CDK13: variants seen among roughly 807,000 people sequenced by gnomAD.
The protein encoded by CDK13 is cyclin dependent kinase 13.
CDK13 carries 40 observed loss-of-function variants against 137.6 expected under a neutral mutation model. That is an observed-to-expected ratio of 0.29 (90% CI 0.23 to 0.38). The LOEUF is 0.38. Among genes scored for constraint, CDK13 ranks in the 10% least tolerant of loss-of-function variants. The pLI is 1.00. For missense variants in CDK13, 1,704 were observed against 1,951.8 expected, an observed-to-expected ratio of 0.87 and a Z score of 2.39; for synonymous variants, 869 against 760.1, an observed-to-expected ratio of 1.14 and a Z score of -2.36.
intron 7 of CDK13, among the ~76,000 whole-genome samples, chr7:40,057,288 A>G (rs1562753150): frequency 6.6e-6 from 1 of 152,152 alleles, no homozygotes; most frequent in Non-Finnish European, 1.5e-5. Context: ...GTTGTTGCTT[A>G]CCCCTGTGCA....
chr7:39,968,692 T>C (rs1046321814), intron 1 of CDK13, among the ~76,000 whole-genome samples: 2 of 152,246 alleles, frequency 1.3e-5, no homozygotes, highest in Admixed American at 1.3e-4. Flanking sequence ...CCATACTCTT[T>C]GGATTAACAT....
At chr7:39,952,018 A>T (rs982805467) in intron 1 of CDK13, 166 bp downstream of exon 1, 1 of 625,388 alleles carries the variant, frequency 1.6e-6, no homozygotes, top group Non-Finnish European at 2.3e-6. Flanking sequence ...CGCGCGTGAC[A>T]CTTTTTTAGG....
Position 39,951,702 on chromosome 7 carries a change from G to T in CDK13, c.1061G>T (p.Arg354Leu). ...GGTGGCAGCAGCCCCTATTCTCGGC[G>T]GCTGCCGCGCTCCCCGAGCCCCTAC... Reference protein sequence around the residue: ...AGGGSSPYSRRLPRSPSPYSR... With the variant: ...AGGGSSPYSRLLPRSPSPYSR... Residue 354 changes from arginine (R) to leucine (L), a missense_variant, in exon 1 of 14, where the codon CGG becomes CTG. By Grantham distance (102) the Arg-to-Leu change is moderately radical (BLOSUM62 -2). Coordinates refer to ENST00000181839, the MANE Select transcript of CDK13 (RefSeq NM_003718.5). 1 of 1,468,134 alleles carries T rather than the reference G, an allele frequency of 6.8e-7. No individual in the cohort carries two copies. The highest frequency in any genetic ancestry group is 8.9e-7 in the Non-Finnish European group (1 of 1,119,106). The allele number at this position is 1,468,134 out of a possible 1,614,324, so 90.9% of individuals were successfully genotyped here.
At chr7:40,083,596 C>T (rs990201766) in intron 11 of CDK13, among the ~76,000 whole-genome samples, 1 of 152,156 alleles carries the variant, frequency 6.6e-6, no homozygotes, top group African/African-American at 2.4e-5. Context: ...TTATCCCACT[C>T]AATTTATGGG....
At chr7:40,012,414 C>A (rs1784914424) in intron 5 of CDK13, among the ~76,000 whole-genome samples, 1 of 151,876 alleles carries the variant, frequency 6.6e-6, no homozygotes, top group Non-Finnish European at 1.5e-5. Flanking sequence ...GCCTGGGCAA[C>A]ATAGCAAGAC....
intron 1 of CDK13, among the ~76,000 whole-genome samples, chr7:39,973,473 A>G (rs1478535829): frequency 6.6e-6 from 1 of 152,158 alleles, no homozygotes; most frequent in Non-Finnish European, 1.5e-5. Flanking sequence ...TCGTCTTATT[A>G]TAGGATCTTA....
At chr7:40,080,026 C>T (rs1015459810) in intron 11 of CDK13, among the ~76,000 whole-genome samples, 3 of 152,198 alleles carry the variant, frequency 2.0e-5, no homozygotes, top group Non-Finnish European at 4.4e-5. Flanking sequence ...CTCACTCTGT[C>T]TCCCAGGCTG....
intron 1 of CDK13, among the ~76,000 whole-genome samples, chr7:39,974,302 G>A (rs1784059365): frequency 6.6e-6 from 1 of 151,852 alleles, no homozygotes; most frequent in African/African-American, 2.4e-5. Context: ...CTAGGCTCAA[G>A]CGCTCCTCCT....
chr7:40,071,418 A>T (rs186246408), intron 9 of CDK13: 1 of 152,322 alleles, frequency 6.6e-6, no homozygotes, highest in East Asian at 1.9e-4. Flanking sequence ...CATATCTGTG[A>T]TGTGCTGTTT....
chr7:40,094,826 A>G lies in CDK13; in HGVS notation c.4385A>G (p.Tyr1462Cys). 7 of 1,569,560 alleles carry G rather than the reference A, an allele frequency of 4.5e-6. No homozygotes were observed. The highest frequency in any genetic ancestry group is 6.0e-6 in the Non-Finnish European group (7 of 1,159,076). ...CCAGCAAAGATGCACAACTATAACT[A>G]TGGTGGTAACTTACAGGAAAATCCG... ...PLPAKMHNYN[Y>C]GGNLQENPSG... is the part of the protein sequence containing the mutation. The change falls in exon 14 of 14, where the codon TAT (tyrosine) becomes TGT (cysteine). Residue 1462 changes from tyrosine to cysteine, a missense_variant. Physicochemically the swap from Tyr to Cys is radical, Grantham distance 194. Transcript: ENST00000181839.
intron 7 of CDK13, among the ~76,000 whole-genome samples, chr7:40,050,072 G>A (rs917289958): frequency 3.3e-5 from 5 of 150,756 alleles, no homozygotes; most frequent in East Asian, 2.0e-4. Context: ...CTCCACCTCC[G>A]GGGTCCAAGT....
At chr7:40,017,925 CTT>C (rs879404001) in intron 5 of CDK13, among the ~76,000 whole-genome samples, 2 of 144,282 alleles carry the variant, frequency 1.4e-5, no homozygotes, top group Admixed American at 6.9e-5. Context: ...TTCCCACGTT[CTT>C]TTTTTTTTTT....
intron 1 of CDK13, among the ~76,000 whole-genome samples, chr7:39,981,656 T>TA (rs1344249390): frequency 6.6e-6 from 1 of 152,190 alleles, no homozygotes; most frequent in Non-Finnish European, 1.5e-5. Flanking sequence ...AATGGAAACT[T>TA]ACTAAGACGA....
At chr7:39,991,497 G>A (rs1784454639) in intron 2 of CDK13, among the ~76,000 whole-genome samples, 1 of 151,408 alleles carries the variant, frequency 6.6e-6, no homozygotes, top group Non-Finnish European at 1.5e-5. Context: ...GTGTGTGTGT[G>A]TGTGTGTGTG....
At chr7:40,086,642 C>T (rs1048722014) in intron 11 of CDK13, among the ~76,000 whole-genome samples, 15 of 151,988 alleles carry the variant, frequency 9.9e-5, no homozygotes, top group East Asian at 3.9e-4. Context: ...AGTTGTTATT[C>T]GCAACTCTGT....
At chr7:40,092,646 G>C in intron 12 of CDK13, 139 bp from the exon 13 acceptor site, 1 of 629,858 alleles carries the variant, frequency 1.6e-6, no homozygotes, top group Non-Finnish European at 2.8e-6. Flanking sequence ...AACTAGACTT[G>C]AGGTTCTCTT....
At chr7:40,030,310 C>T (rs943432452) in intron 5 of CDK13, among the ~76,000 whole-genome samples, 10 of 151,166 alleles carry the variant, frequency 6.6e-5, no homozygotes, top group Admixed American at 2.0e-4. Context: ...TTCAGTCAGT[C>T]TGGCATGCAA....
chr7:40,002,878 A>G (rs1784713325), intron 5 of CDK13, among the ~76,000 whole-genome samples: 1 of 149,334 alleles, frequency 6.7e-6, no homozygotes, highest in Non-Finnish European at 1.5e-5. Context: ...CAGCCTAGGT[A>G]ACATAACGAG....
intron 9 of CDK13, chr7:40,071,065 A>ATTAGATT (rs1339990511): frequency 6.6e-6 from 1 of 152,178 alleles, no homozygotes; most frequent in African/African-American, 2.4e-5. Context: ...CTTTAAAGGA[A>ATTAGATT]TTAGATTTTG....
Sources: allele counts gnomAD v4.1 joint callset (sites outside exome capture counted in the v4.1 genomes callset), GRCh38; gene constraint gnomAD v4.1.1; transcripts MANE v1.5; gene names NCBI Gene and HGNC (gene_info 2026-07-23, HGNC 2026-07-21).